Variants in SGCZ observed in about 807,000 individuals in gnomAD.
SGCZ encodes the protein sarcoglycan zeta.
Under a neutral mutation model 41.3 loss-of-function variants are expected in SGCZ, and 40 were observed. The ratio of observed to expected loss-of-function variants is 0.97; its 90% CI spans 0.75 to 1.26. The LOEUF (loss-of-function observed/expected upper bound fraction) is 1.26, where lower values mean the gene tolerates loss of function less well. Ranked by LOEUF, SGCZ falls within the 50% of genes most tolerant of loss-of-function variation. SGCZ has a pLI of 0.00. For missense variants in SGCZ, 552 were observed against 369.8 expected (o/e 1.49, Z -4.04); for synonymous variants, 206 against 137.5 (o/e 1.50, Z -3.49).
chr8:14,946,936 C>T (rs940809314), intron 1 of SGCZ, among the ~76,000 whole-genome samples: 7 of 151,934 alleles, frequency 4.6e-5, no homozygotes, highest in African/African-American at 7.3e-5. Context: ...GGCCTCCCAA[C>T]GTGCTGGGAT....
chr8:15,068,052 G>A (rs761744206), intron 1 of SGCZ, among the ~76,000 whole-genome samples: 1 of 152,184 alleles, frequency 6.6e-6, no homozygotes, highest in Non-Finnish European at 1.5e-5. Flanking sequence ...GAGTGGTTGG[G>A]TCATAGGACA....
intron 1 of SGCZ, among the ~76,000 whole-genome samples, chr8:14,668,993 A>G (rs1474911710): frequency 2.0e-5 from 3 of 151,936 alleles, no homozygotes; most frequent in Non-Finnish European, 4.4e-5. Context: ...GAAAATTTCA[A>G]GTATACAATA....
At chr8:15,171,127 G>A (rs571436100) in intron 1 of SGCZ, among the ~76,000 whole-genome samples, 2 of 152,280 alleles carry the variant, frequency 1.3e-5, no homozygotes, top group African/African-American at 4.8e-5. Flanking sequence ...AATGCTTCCT[G>A]TTGGAGCTGA....
At chr8:14,654,515 T>C (rs896389667) in intron 1 of SGCZ, among the ~76,000 whole-genome samples, 2 of 152,130 alleles carry the variant, frequency 1.3e-5, no homozygotes, top group Admixed American at 1.3e-4. Context: ...AAGCACTCAA[T>C]AAATATGAGC....
chr8:14,551,505 T>C (rs1320735885), intron 2 of SGCZ, among the ~76,000 whole-genome samples: 2 of 6,360 alleles, frequency 3.1e-4, no homozygotes, highest in Non-Finnish European at 4.8e-4. Flanking sequence ...ATATTATATA[T>C]ATTATATATA....
intron 2 of SGCZ, among the ~76,000 whole-genome samples, chr8:14,528,197 A>G (rs1340283366): frequency 6.6e-6 from 1 of 152,166 alleles, no homozygotes. Flanking sequence ...TATTTACTAC[A>G]TACCGAAGAA....
At chr8:14,493,353 T>A (rs185362277) in intron 2 of SGCZ, among the ~76,000 whole-genome samples, 2,921 of 131,310 alleles carry the variant, frequency 0.022, 152 homozygotes, top group African/African-American at 0.083. Flanking sequence ...CCCACTATCA[T>A]CCTTTCTTTT....
At chr8:15,064,730 C>A (rs770777334) in intron 1 of SGCZ, among the ~76,000 whole-genome samples, 1 of 152,094 alleles carries the variant, frequency 6.6e-6, no homozygotes, top group Non-Finnish European at 1.5e-5. Context: ...GCTCTATAAA[C>A]CCCTAGTTTG....
At chr8:14,525,259 G>A (rs1052483208) in intron 2 of SGCZ, among the ~76,000 whole-genome samples, 8 of 152,108 alleles carry the variant, frequency 5.3e-5, no homozygotes, top group African/African-American at 1.9e-4. Context: ...TTAGCCAGGT[G>A]AAACCTGGAA....
intron 1 of SGCZ, among the ~76,000 whole-genome samples, chr8:14,734,613 C>T (rs1386865963): frequency 2.0e-5 from 3 of 152,142 alleles, no homozygotes; most frequent in Admixed American, 1.3e-4. Flanking sequence ...ACAATAATCA[C>T]TTCTCTTTAT....
At chr8:14,460,729 A>G (rs1446585043) in intron 2 of SGCZ, among the ~76,000 whole-genome samples, 3 of 152,198 alleles carry the variant, frequency 2.0e-5, no homozygotes, top group Non-Finnish European at 4.4e-5. Context: ...AAGTGTGTGT[A>G]GTGTTTCAAA....
At chr8:14,896,313 T>C (rs1386416870) in intron 1 of SGCZ, among the ~76,000 whole-genome samples, 1 of 152,136 alleles carries the variant, frequency 6.6e-6, no homozygotes, top group African/African-American at 2.4e-5. Context: ...TGCAAGATCC[T>C]CTCTCTTACC....
At chr8:14,654,738 A>AT (rs143183510) in intron 1 of SGCZ, among the ~76,000 whole-genome samples, 1,595 of 146,272 alleles carry the variant, frequency 0.011, 15 homozygotes, top group African/African-American at 0.023. Context: ...TGCCCAGCTA[A>AT]TTTTTTTTTT....
At chr8:15,045,953 T>C (rs1344417261) in intron 1 of SGCZ, among the ~76,000 whole-genome samples, 1 of 152,114 alleles carries the variant, frequency 6.6e-6, no homozygotes, top group Non-Finnish European at 1.5e-5. Context: ...CATTTAAATA[T>C]ATTAATATAC....
chr8:14,426,372 CA>C (rs1799782971), intron 2 of SGCZ, among the ~76,000 whole-genome samples: 1 of 151,900 alleles, frequency 6.6e-6, no homozygotes, highest in Non-Finnish European at 1.5e-5. Context: ...TCCCCTCCCC[CA>C]ATTTGGTTAA....
At chr8:14,252,341 T>G (rs1013484175) in intron 3 of SGCZ, among the ~76,000 whole-genome samples, 2 of 152,128 alleles carry the variant, frequency 1.3e-5, no homozygotes, top group Admixed American at 1.3e-4. Flanking sequence ...TTGTTTTTAT[T>G]GTTATTGGGT....
intron 1 of SGCZ, among the ~76,000 whole-genome samples, chr8:15,230,512 T>C (rs1801908926): frequency 6.6e-6 from 1 of 152,248 alleles, no homozygotes; most frequent in South Asian, 2.1e-4. Flanking sequence ...GAAAATCTTG[T>C]TTTGATGTTC....
At chr8:15,224,035 T>C (rs946866549) in intron 1 of SGCZ, among the ~76,000 whole-genome samples, 3 of 152,054 alleles carry the variant, frequency 2.0e-5, no homozygotes, top group Admixed American at 6.6e-5. Flanking sequence ...TTTGTATTTT[T>C]AGTAGAAACG....
chr8:14,901,270 T>C (rs1486128945), intron 1 of SGCZ, among the ~76,000 whole-genome samples: 2 of 152,172 alleles, frequency 1.3e-5, no homozygotes, highest in Non-Finnish European at 2.9e-5. Context: ...CTGTGATGAC[T>C]CACTGGTAAC....
Sources: allele counts gnomAD v4.1 joint callset (sites outside exome capture counted in the v4.1 genomes callset), GRCh38; gene constraint gnomAD v4.1.1; transcripts MANE v1.5; gene names NCBI Gene and HGNC (gene_info 2026-07-23, HGNC 2026-07-21).